The following BNC2 variants were observed in gnomAD, a reference collection of about 807,000 sequenced individuals.
BNC2 encodes zinc finger protein basonuclin-2.
In BNC2, 20 loss-of-function variants were observed where a neutral mutation model predicts 76.3. The observed-to-expected ratio is 0.26, with a 90% confidence interval of 0.18 to 0.38. The LOEUF (loss-of-function observed/expected upper bound fraction) is 0.38, where lower values mean the gene tolerates loss of function less well. Among genes scored for constraint, BNC2 ranks in the 10% least tolerant of loss-of-function variants. The pLI, the probability that BNC2 is intolerant of heterozygous loss-of-function variation, is 1.00. For synonymous variants in BNC2, 582 were observed against 514.8 expected (o/e 1.13, Z -1.77); for missense variants, 1,382 against 1,399.8 (o/e 0.99, Z 0.20).
At chr9:16,741,834 TGTA>T (rs1333886430) in intron 1 of BNC2, among the ~76,000 whole-genome samples, 2 of 151,756 alleles carry the variant, frequency 1.3e-5, no homozygotes, top group African/African-American at 4.8e-5. Flanking sequence ...GGTACACGCC[TGTA>T]GTTCCAGCTA....
chr9:16,624,726 T>G (rs1820946408), intron 3 of BNC2, among the ~76,000 whole-genome samples: 1 of 152,212 alleles, frequency 6.6e-6, no homozygotes, highest in Admixed American at 6.5e-5. Context: ...TTGATCCAAA[T>G]GGAAGTCATG....
chr9:16,590,053 G>C (rs1013385016), intron 3 of BNC2, among the ~76,000 whole-genome samples: 2 of 151,930 alleles, frequency 1.3e-5, no homozygotes, highest in Non-Finnish European at 2.9e-5. Context: ...GAGCCCAGGA[G>C]TTCGAGACCA....
intron 3 of BNC2, among the ~76,000 whole-genome samples, chr9:16,597,527 C>T (rs1563856219): frequency 6.6e-6 from 1 of 151,120 alleles, no homozygotes; most frequent in East Asian, 1.9e-4. Flanking sequence ...TATAGCCAGA[C>T]AAAAAAAACG....
At chr9:16,833,549 A>G (rs1329459908) in intron 1 of BNC2, among the ~76,000 whole-genome samples, 1 of 152,172 alleles carries the variant, frequency 6.6e-6, no homozygotes, top group East Asian at 1.9e-4. Context: ...AAGGGCAAAG[A>G]GCAATTTTTT....
chr9:16,832,364 C>G (rs932730582), intron 1 of BNC2: 29 of 1,213,408 alleles, frequency 2.4e-5, no homozygotes, highest in Admixed American at 3.1e-5. Context: ...TGAAACAGAA[C>G]AGAGAACACA....
chr9:16,468,684 C>A (rs755658127), intron 5 of BNC2, among the ~76,000 whole-genome samples: 47 of 152,132 alleles, frequency 3.1e-4, no homozygotes, highest in South Asian at 8.3e-4. Flanking sequence ...AGCCACCACA[C>A]CCGGACTATA....
chr9:16,469,439 C>T (rs1009719049), intron 5 of BNC2, among the ~76,000 whole-genome samples: 6 of 152,166 alleles, frequency 3.9e-5, no homozygotes, highest in Non-Finnish European at 8.8e-5. Flanking sequence ...CTCTTGCTGT[C>T]ACTATGTAAG....
At chr9:16,661,939 G>C (rs917840568) in intron 3 of BNC2, among the ~76,000 whole-genome samples, 5 of 152,176 alleles carry the variant, frequency 3.3e-5, no homozygotes, top group African/African-American at 4.8e-5. Flanking sequence ...ACAAGTGACA[G>C]AGCAGGTCTA....
At chr9:16,473,718 C>T (rs945890682) in intron 5 of BNC2, among the ~76,000 whole-genome samples, 2 of 151,784 alleles carry the variant, frequency 1.3e-5, no homozygotes, top group Non-Finnish European at 2.9e-5. Context: ...ACTAAAATTA[C>T]AAAAATTAGC....
intron 3 of BNC2, among the ~76,000 whole-genome samples, chr9:16,624,809 T>C (rs907535520): frequency 2.0e-5 from 3 of 152,222 alleles, no homozygotes; most frequent in African/African-American, 7.2e-5. Flanking sequence ...AACAAGTATT[T>C]ATTTAAAGAA....
intron 3 of BNC2, among the ~76,000 whole-genome samples, chr9:16,647,021 T>C: frequency 6.6e-6 from 1 of 152,128 alleles, no homozygotes; most frequent in Non-Finnish European, 1.5e-5. Flanking sequence ...AAGTATTACA[T>C]GTGGGGGAAA....
intron 1 of BNC2, among the ~76,000 whole-genome samples, chr9:16,766,586 G>A (rs1825701772): frequency 6.6e-6 from 1 of 152,090 alleles, no homozygotes; most frequent in African/African-American, 2.4e-5. Flanking sequence ...GCTAACAGCT[G>A]GTACTACCTT....
At chr9:16,795,567 G>A (rs1817624249) in intron 1 of BNC2, among the ~76,000 whole-genome samples, 2 of 152,084 alleles carry the variant, frequency 1.3e-5, no homozygotes, top group African/African-American at 4.8e-5. Context: ...CCACATCACT[G>A]CCAGCGAGAG....
intron 2 of BNC2, among the ~76,000 whole-genome samples, chr9:16,734,484 C>T (rs912683088): frequency 6.6e-6 from 1 of 152,186 alleles, no homozygotes; most frequent in East Asian, 1.9e-4. Flanking sequence ...TTATACATGT[C>T]ACTTCATATT....
chr9:16,826,772 G>C (rs1818461337), intron 1 of BNC2, among the ~76,000 whole-genome samples: 1 of 152,136 alleles, frequency 6.6e-6, no homozygotes, highest in Non-Finnish European at 1.5e-5. Flanking sequence ...CAAATCCAGG[G>C]CAACAAACTA....
At chr9:16,839,408 CA>C (rs1460459331) in intron 1 of BNC2, among the ~76,000 whole-genome samples, 5 of 152,050 alleles carry the variant, frequency 3.3e-5, no homozygotes, top group African/African-American at 1.2e-4. Context: ...AAATACTGCC[CA>C]AATTACTAGT....
intron 5 of BNC2, among the ~76,000 whole-genome samples, chr9:16,524,493 T>G (rs1410638279): frequency 7.2e-6 from 1 of 139,860 alleles, no homozygotes; most frequent in Non-Finnish European, 1.5e-5. Context: ...CCATTTCCTG[T>G]TTTTTTTTGG....
rs552660152 is a variant in BNC2 at position 16,582,160 on chromosome 9, G to C, written c.433+823C>G. 2.2e-4 allele frequency among the ~76,000 whole-genome samples: 33 copies of C among 152,230 alleles called. No homozygotes were observed. In the South Asian group the frequency reaches 6.6e-3, roughly 31 times the overall value. ...GGGGCTGTCAAAAAATCTCAAGCCA[G>C]GATTTCTTTTTATAAACATTACCTA... On this transcript the variant is annotated intron_variant, in intron 4 of 6. Coordinates refer to ENST00000380672, the MANE Select transcript of BNC2 (RefSeq NM_017637.6).
At chr9:16,630,826 G>T (rs1012531680) in intron 3 of BNC2, among the ~76,000 whole-genome samples, 4 of 147,748 alleles carry the variant, frequency 2.7e-5, no homozygotes, top group African/African-American at 7.7e-5. Context: ...TGCAACCTCC[G>T]CCTCCCGGGT....
Sources: allele counts gnomAD v4.1 joint callset (sites outside exome capture counted in the v4.1 genomes callset), GRCh38; gene constraint gnomAD v4.1.1; transcripts MANE v1.5; gene names NCBI Gene and HGNC (gene_info 2026-07-23, HGNC 2026-07-21).